TTC39B: variants seen among roughly 807,000 people sequenced by gnomAD.
TTC39B encodes tetratricopeptide repeat protein 39B.
In TTC39B, 92 loss-of-function variants were observed where a neutral mutation model predicts 96.6. The observed-to-expected ratio is 0.95, with a 90% confidence interval of 0.80 to 1.13. The LOEUF is 1.13. Among genes scored for constraint, TTC39B ranks in the 50% most tolerant of loss-of-function variants. The pLI is 0.00. For missense variants in TTC39B, 955 were observed against 809.3 expected, an observed-to-expected ratio of 1.18 and a Z score of -2.18; for synonymous variants, 367 against 299.4, an observed-to-expected ratio of 1.23 and a Z score of -2.33.
intron 1 of TTC39B, among the ~76,000 whole-genome samples, chr9:15,276,446 G>A (rs1461180777): frequency 1.3e-5 from 2 of 152,180 alleles, no homozygotes; most frequent in Non-Finnish European, 1.5e-5. Flanking sequence ...AGAGGGGAAA[G>A]TGCCTGGCAT....
chr9:15,254,450 A>G (rs73421663), intron 2 of TTC39B, among the ~76,000 whole-genome samples: 3,137 of 152,292 alleles, frequency 0.021, 112 homozygotes, highest in African/African-American at 0.071. Flanking sequence ...ATATGTATAT[A>G]CTATGTTACG....
intron 3 of TTC39B, among the ~76,000 whole-genome samples, chr9:15,215,220 C>A (rs1820442198): frequency 6.6e-6 from 1 of 152,122 alleles, no homozygotes; most frequent in African/African-American, 2.4e-5. Flanking sequence ...CACTGTACTC[C>A]AGCCTGAGCG....
intron 3 of TTC39B, chr9:15,224,365 C>G (rs544716458): frequency 2.6e-4 from 39 of 152,656 alleles, no homozygotes; most frequent in African/African-American, 9.1e-4. Context: ...CTTGCCTGTC[C>G]TGTGGCCACC....
chr9:15,307,165 GA>G lies in TTC39B; in HGVS notation c.158del (p.Phe53SerfsTer18). ...TGCTGCCACCCAAAAACCAAGCAGGGAACTCAGAGCCGACTCCTGCTCTCGG... is the reference window on the plus strand; with the variant it reads ...TGCTGCCACCCAAAAACCAAGCAGGGACTCAGAGCCGACTCCTGCTCTCGG... On this transcript the variant is annotated frameshift_variant, in exon 1 of 20. Transcript: ENST00000512701. LOFTEE classifies it high-confidence loss of function. 1.9e-6 allele frequency: 3 copies of G among 1,601,056 alleles called. No homozygotes were observed. The highest frequency in any genetic ancestry group is 1.7e-6 in the Non-Finnish European group (2 of 1,173,066).
At chr9:15,190,215 A>C (rs981612187) in intron 11 of TTC39B, among the ~76,000 whole-genome samples, 1 of 152,234 alleles carries the variant, frequency 6.6e-6, no homozygotes, top group African/African-American at 2.4e-5. Context: ...TCACTATGAC[A>C]AAGGACACTA....
intron 2 of TTC39B, among the ~76,000 whole-genome samples, chr9:15,244,008 A>G (rs762946552): frequency 6.6e-6 from 1 of 152,240 alleles, no homozygotes; most frequent in East Asian, 1.9e-4. Flanking sequence ...TTCCTTGCCC[A>G]TAGTCATAGC....
In TTC39B at chr9:15,219,734, T is replaced by C. The variant is rs1044340168; in HGVS notation, c.372-5485A>G. Among the ~76,000 whole-genome samples, 6 of 152,196 alleles carry C rather than the reference T, an allele frequency of 3.9e-5. No homozygotes were observed. The South Asian group carries it at 1.0e-3, about 26-fold the overall frequency. ...AGGAATTAATTATCTGATTGGTGAG[T>C]TGGAAAGAAACACAGGGCATAAATG... On this transcript the variant is annotated intron_variant, in intron 3 of 19. Coordinates refer to ENST00000512701, the Ensembl canonical transcript of TTC39B.
intron 1 of TTC39B, among the ~76,000 whole-genome samples, chr9:15,269,767 A>G (rs1199616291): frequency 6.6e-6 from 1 of 151,858 alleles, no homozygotes; most frequent in Non-Finnish European, 1.5e-5. Flanking sequence ...AGGCAGGATA[A>G]TCGCTTGAAC....
At chr9:15,300,706 C>T (rs977255294) in intron 1 of TTC39B, among the ~76,000 whole-genome samples, 2 of 151,788 alleles carry the variant, frequency 1.3e-5, no homozygotes, top group African/African-American at 4.8e-5. Context: ...GCCAACATGG[C>T]GAAACCCCGT....
Position 15,305,754 on chromosome 9 carries a change from C to A in TTC39B, c.240+1330G>T, listed in dbSNP as rs57245377. 6.1e-3 allele frequency among the ~76,000 whole-genome samples: 913 copies of A among 150,690 alleles called. 10 individuals carry two copies. Among genetic ancestry groups the A allele is most frequent in the African/African-American group, 0.022 (879 of 40,858 alleles). On this transcript the variant is annotated intron_variant, in intron 1 of 19. Transcript: ENST00000512701. The stretch of plus-strand genomic sequence containing the variant: ...GGGGTGACCATTTGTCAAAGTATCT[C>A]CGAAACAGTCCCAGTTTACACCTAT...
intron 8 of TTC39B, among the ~76,000 whole-genome samples, chr9:15,198,932 A>G (rs1819348784): frequency 6.6e-6 from 1 of 152,240 alleles, no homozygotes. Context: ...GACAAGGAAT[A>G]TCACCAAAGT....
At chr9:15,168,574 C>G (rs1164285011) in exon 20 of TTC39B, 1 of 152,148 alleles carries the variant, frequency 6.6e-6, no homozygotes, top group African/African-American at 2.4e-5. Context: ...ACTAGACTCA[C>G]TTTAAAAAGG....
chr9:15,214,236 T>G (rs1820372144), exon 4 of TTC39B: 1 of 1,613,338 alleles, frequency 6.2e-7, no homozygotes, highest in South Asian at 1.1e-5. Context: ...AGATCCACCT[T>G]GGTTGATGAT....
At chr9:15,226,200 C>T (rs1821116234) in intron 2 of TTC39B, among the ~76,000 whole-genome samples, 188 bp from the exon 3 acceptor site, 1 of 152,122 alleles carries the variant, frequency 6.6e-6, no homozygotes, top group Admixed American at 6.5e-5. Flanking sequence ...AAATACAGCC[C>T]TAATAACTTT....
At chr9:15,223,425 C>G (rs1820954884) in intron 3 of TTC39B, among the ~76,000 whole-genome samples, 1 of 152,220 alleles carries the variant, frequency 6.6e-6, no homozygotes, top group Admixed American at 6.5e-5. Context: ...TCCGGGGTGT[C>G]TCACTTGTTA....
intron 1 of TTC39B, among the ~76,000 whole-genome samples, chr9:15,297,615 T>C (rs942839114): frequency 2.0e-5 from 3 of 152,152 alleles, no homozygotes; most frequent in African/African-American, 7.2e-5. Flanking sequence ...CCACACCATA[T>C]CTTACCCATC....
chr9:15,304,607 AT>A (rs1824697254), intron 1 of TTC39B, among the ~76,000 whole-genome samples: 1 of 152,152 alleles, frequency 6.6e-6, no homozygotes. Context: ...AAAGATTTCC[AT>A]ATTATTAGCC....
At chr9:15,234,367 GC>G (rs1428175783) in intron 2 of TTC39B, among the ~76,000 whole-genome samples, 4 of 146,348 alleles carry the variant, frequency 2.7e-5, no homozygotes, top group African/African-American at 7.7e-5. Flanking sequence ...GGGGGGGTCA[GC>G]CCCCCGCCCG....
chr9:15,215,827 G>A (rs1341035200), intron 3 of TTC39B, among the ~76,000 whole-genome samples: 1 of 152,090 alleles, frequency 6.6e-6, no homozygotes, highest in Admixed American at 6.5e-5. Flanking sequence ...CCATGCCACT[G>A]CACTCCAGCC....
Sources: allele counts gnomAD v4.1 joint callset (sites outside exome capture counted in the v4.1 genomes callset), GRCh38; gene constraint gnomAD v4.1.1; transcripts MANE v1.5; gene names NCBI Gene and HGNC (gene_info 2026-07-23, HGNC 2026-07-21).